The following SLC4A7 variants were observed in gnomAD, a reference collection of about 807,000 sequenced individuals.
SLC4A7 encodes sodium bicarbonate cotransporter 3.
In SLC4A7, 51 loss-of-function variants were observed where a neutral mutation model predicts 137.6. That is an observed-to-expected ratio of 0.37 (90% CI 0.30 to 0.47). The LOEUF (loss-of-function observed/expected upper bound fraction) is 0.47, where lower values mean the gene tolerates loss of function less well. Ranked by LOEUF, SLC4A7 falls within the 20% of genes least tolerant of loss-of-function variation. The pLI, the probability that SLC4A7 is intolerant of heterozygous loss-of-function variation, is 1.00. For missense variants in SLC4A7, 1,247 were observed against 1,525.4 expected (o/e 0.82, Z 3.04); for synonymous variants, 542 against 518.6 (o/e 1.05, Z -0.61).
chr3:27,389,340 CTAATT>C (rs1223753973), intron 22 of SLC4A7, among the ~76,000 whole-genome samples: 2 of 151,822 alleles, frequency 1.3e-5, no homozygotes, highest in African/African-American at 4.8e-5. Flanking sequence ...TTATTTATTT[CTAATT>C]TAACTGTTTT....
chr3:27,391,840 T>C (rs1192767569), intron 20 of SLC4A7, 32 bp from the exon 21 acceptor site: 3 of 1,311,540 alleles, frequency 2.3e-6, no homozygotes, highest in African/African-American at 2.9e-5. Flanking sequence ...TTAGAACTCA[T>C]GAGTAGTAAG....
In SLC4A7 at chr3:27,448,754, T is replaced by C. The variant is rs2057858729; in HGVS notation, c.186A>G (p.Lys62=). The change falls in exon 3 of 26, where the codon AAA becomes AAG. Residue 62 remains lysine (K), a synonymous_variant. Transcript: ENST00000454389. ...VYIGVHVPFS[K]ESRRRHRHRG... is the part of the protein sequence containing the mutation. ...GATGCCTATGACGCCGACGACTCTC[T>C]TTACTAAACGGGACGTGAACACCAA... The C allele has an allele frequency of 5.0e-6, 8 of 1,613,630 alleles. No homozygotes were observed. The East Asian group carries it at 1.8e-4, about 36-fold the overall frequency.
intron 3 of SLC4A7, among the ~76,000 whole-genome samples, chr3:27,439,194 G>T (rs1255182636): frequency 1.3e-5 from 2 of 152,152 alleles, no homozygotes; most frequent in Non-Finnish European, 2.9e-5. Flanking sequence ...GTAAAAGTCA[G>T]ATCTGAGAAA....
At chr3:27,397,470 C>A (rs931097899) in intron 18 of SLC4A7, among the ~76,000 whole-genome samples, 1 of 151,932 alleles carries the variant, frequency 6.6e-6, no homozygotes, top group South Asian at 2.1e-4. Context: ...AATGGACCAG[C>A]GGTGATACTT....
At chr3:27,478,101 C>T (rs2059541108) in intron 1 of SLC4A7, among the ~76,000 whole-genome samples, 1 of 151,970 alleles carries the variant, frequency 6.6e-6, no homozygotes, top group Admixed American at 6.6e-5. Flanking sequence ...GTCCTGGAAT[C>T]CAGAGAGAGG....
chr3:27,390,091 A>G lies in SLC4A7; in HGVS notation c.3200T>C (p.Ile1067Thr). 1 of 1,591,604 alleles carries G rather than the reference A, an allele frequency of 6.3e-7. No individual in the cohort carries two copies. The highest frequency in any genetic ancestry group is 8.6e-7 in the Non-Finnish European group (1 of 1,162,060). The change falls in exon 22 of 26, where the codon ATA (isoleucine) becomes ACA (threonine). Residue 1067 changes from isoleucine (I) to threonine (T), a missense_variant. By Grantham distance (89) the Ile-to-Thr change is moderately conservative (BLOSUM62 -1). This residue lies in a region of SLC4A7 where 290 missense variants were observed against 323.8 expected (regional missense o/e 0.90). Coordinates refer to ENST00000454389, the MANE Select transcript of SLC4A7 (RefSeq NM_001321103.2). Reference protein sequence around the residue: ...SLKGIQLFDRIKLFGMPAKHQ... With the variant: ...SLKGIQLFDRTKLFGMPAKHQ... ...CTTAGCAGGCATTCCAAATAATTTT[A>G]TACGGTCAAATAACTACATATAGAA...
intron 7 of SLC4A7, among the ~76,000 whole-genome samples, chr3:27,427,723 A>G (rs983519681): frequency 2.0e-5 from 3 of 152,184 alleles, no homozygotes; most frequent in Non-Finnish European, 4.4e-5. Context: ...AGAATCATGT[A>G]TAGCTGTCCC....
intron 3 of SLC4A7, among the ~76,000 whole-genome samples, chr3:27,442,495 G>A (rs746935508): frequency 1.3e-5 from 2 of 150,562 alleles, no homozygotes; most frequent in Admixed American, 6.6e-5. Flanking sequence ...GTGCAGTGGC[G>A]CAATCTCGGC....
chr3:27,417,533 C>G (rs1176294656), intron 11 of SLC4A7, among the ~76,000 whole-genome samples: 3 of 152,142 alleles, frequency 2.0e-5, no homozygotes, highest in Non-Finnish European at 2.9e-5. Flanking sequence ...GCAAGAGGAT[C>G]ACTAGAGTCC....
At chr3:27,460,456 A>C (rs2058637797) in intron 1 of SLC4A7, among the ~76,000 whole-genome samples, 1 of 152,228 alleles carries the variant, frequency 6.6e-6, no homozygotes, top group African/African-American at 2.4e-5. Context: ...AAAGCATCTG[A>C]AGTACTAGAA....
intron 8 of SLC4A7, chr3:27,423,651 T>C (rs1576366209): frequency 6.1e-6 from 1 of 163,416 alleles, no homozygotes; most frequent in African/African-American, 2.4e-5. Context: ...CAGGAAAGAC[T>C]GAATCATTAG....
chr3:27,425,369 C>CAAA (rs1559732695), intron 7 of SLC4A7, among the ~76,000 whole-genome samples: 3 of 24,530 alleles, frequency 1.2e-4, no homozygotes, highest in African/African-American at 5.1e-4. Flanking sequence ...AAACTCCGTC[C>CAAA]TAAAAAAAAA....
At chr3:27,410,344 A>C (rs1332086557) in intron 12 of SLC4A7, among the ~76,000 whole-genome samples, 4 of 152,190 alleles carry the variant, frequency 2.6e-5, no homozygotes, top group African/African-American at 9.7e-5. Flanking sequence ...GGCACTCAAC[A>C]AACACTGGTG....
chr3:27,431,444 T>G lies in SLC4A7; in HGVS notation c.1004A>C (p.Glu335Ala). 12 of 1,614,122 alleles carry G rather than the reference T, an allele frequency of 7.4e-6. No individual in the cohort carries two copies. The highest frequency in any genetic ancestry group is 1.0e-5 in the Non-Finnish European group (12 of 1,179,984). The change falls in exon 7 of 26, where the codon GAG (glutamate) becomes GCG (alanine). Residue 335 changes from glutamate to alanine, a missense_variant. This residue lies in a region of SLC4A7 where 223 missense variants were observed against 203.6 expected (regional missense o/e 1.10). Transcript: ENST00000454389. ...TAGTTCTGGGGCCTGACGCTGACTCTCTTGGGAACTTCTGGAGGTCAGGCG... is the reference window on the plus strand; with the variant it reads ...TAGTTCTGGGGCCTGACGCTGACTCGCTTGGGAACTTCTGGAGGTCAGGCG... ...ISRLTSRSSQ[E>A]SQRQAPELLV...
intron 1 of SLC4A7, 28 bp downstream of exon 1, chr3:27,484,039 A>T: frequency 1.4e-6 from 2 of 1,381,396 alleles, no homozygotes; most frequent in Non-Finnish European, 9.4e-7. Flanking sequence ...CCCCCTGCGG[A>T]GGAGCCCCAC....
intron 3 of SLC4A7, among the ~76,000 whole-genome samples, chr3:27,438,438 T>C (rs959887882): frequency 1.4e-5 from 2 of 146,658 alleles, no homozygotes; most frequent in African/African-American, 2.5e-5. Flanking sequence ...CCAGAAGGCG[T>C]AGGTTGCAGT....
intron 16 of SLC4A7, among the ~76,000 whole-genome samples, chr3:27,399,422 G>T (rs780939107): frequency 3.3e-5 from 5 of 152,044 alleles, no homozygotes; most frequent in Non-Finnish European, 7.4e-5. Context: ...AGTAAAGCAT[G>T]AATCTATGTT....
At chr3:27,447,477 G>A (rs143959606) in intron 3 of SLC4A7, among the ~76,000 whole-genome samples, 28 of 151,922 alleles carry the variant, frequency 1.8e-4, no homozygotes, top group African/African-American at 6.5e-4. Context: ...CTTTCTTTTA[G>A]CATAGCATGC....
chr3:27,443,389 T>C (rs11920603), intron 3 of SLC4A7, among the ~76,000 whole-genome samples: 23,541 of 152,044 alleles, frequency 0.15, 2,002 homozygotes, highest in South Asian at 0.27. Flanking sequence ...TACTGGTGAT[T>C]TGTGGGGGTT....
Sources: gnomAD v4.1 joint callset for allele counts (sites outside exome capture counted in the v4.1 genomes callset) on GRCh38, gnomAD v4.1.1 for gene constraint, gnomAD v4.1.1 regional missense constraint, MANE v1.5 for transcripts, NCBI Gene and HGNC (gene_info 2026-07-23, HGNC 2026-07-21) for gene names.